ARFGEF1: variants seen among roughly 807,000 people sequenced by gnomAD.
ARFGEF1 encodes the protein ARF guanine nucleotide exchange factor 1.
A neutral mutation model predicts 231.0 loss-of-function variants in ARFGEF1; 42 were observed. That is an observed-to-expected ratio of 0.18 (90% CI 0.14 to 0.24). ARFGEF1 has a LOEUF of 0.24. Ranked by LOEUF, ARFGEF1 falls within the 10% of genes least tolerant of loss-of-function variation. The pLI, the probability that ARFGEF1 is intolerant of heterozygous loss-of-function variation, is 1.00. For missense variants in ARFGEF1, 1,345 were observed against 2,192.0 expected (o/e 0.61, Z 7.72); for synonymous variants, 710 against 732.3 (o/e 0.97, Z 0.49).
At chr8:67,236,365 A>AAAAATATAT (rs1554638966) in intron 22 of ARFGEF1, among the ~76,000 whole-genome samples, 1 of 29,064 alleles carries the variant, frequency 3.4e-5, no homozygotes, top group Non-Finnish European at 5.9e-5. Flanking sequence ...AAAAAAAAAA[A>AAAAATATAT]ATATATATAT....
Position 67,259,804 on chromosome 8 carries a change from G to T in ARFGEF1, c.2235+11C>A, listed in dbSNP as rs746044380. 2.6e-6 allele frequency: 4 copies of T among 1,524,018 alleles called. No individual in the cohort carries two copies. The highest frequency in any genetic ancestry group is 2.8e-5 in the African/African-American group (2 of 71,566). The allele number at this position is 1,524,018 out of a possible 1,614,324, so 94.4% of individuals were successfully genotyped here. ...TTACAGAAAAGGTTAGAATGAAAAT[G>T]GTATTCTTACAGAGTCTAATCTTTC... On this transcript the variant is annotated intron_variant, in intron 15 of 38. Coordinates refer to ENST00000262215, the MANE Select transcript of ARFGEF1 (RefSeq NM_006421.5).
chr8:67,223,294 C>CA (rs1839263876), intron 29 of ARFGEF1, among the ~76,000 whole-genome samples: 1 of 152,130 alleles, frequency 6.6e-6, no homozygotes, highest in Non-Finnish European at 1.5e-5. Context: ...ACCATAGCCC[C>CA]AACCTCCTGT....
At position 67,227,493 on chromosome 8, in the gene ARFGEF1, G is replaced by A. The variant is rs1308211020; in HGVS notation, c.3697C>T (p.Gln1233Ter). 1 of 1,613,024 alleles carries A rather than the reference G, an allele frequency of 6.2e-7. No homozygotes were observed. The highest frequency in any genetic ancestry group is 1.7e-5 in the Admixed American group (1 of 59,974). Residue 1233 changes from glutamine (Q) to a stop codon, truncating the protein, a stop_gained, in exon 26 of 39, where the codon CAG (glutamine) becomes TAG (stop). Transcript: ENST00000262215. LOFTEE classifies it high-confidence loss of function. Reference sequence around the variant, plus strand: ...TCAAAAGGTCTTAAGAAATCCTTCTGGAATCTGAAGTTAGCAAGCTCCCCT... The same window carrying A: ...TCAAAAGGTCTTAAGAAATCCTTCTAGAATCTGAAGTTAGCAAGCTCCCCT... ...EKGELANFRF[Q>*]KDFLRPFEHI...
intron 19 of ARFGEF1, among the ~76,000 whole-genome samples, chr8:67,241,549 C>T (rs1298553451): frequency 6.6e-6 from 1 of 152,008 alleles, no homozygotes; most frequent in East Asian, 1.9e-4. Context: ...AAATAATATC[C>T]AGGCAATAGT....
chr8:67,257,068 G>T (rs1452967652), intron 17 of ARFGEF1, among the ~76,000 whole-genome samples: 2 of 152,022 alleles, frequency 1.3e-5, no homozygotes, highest in Admixed American at 6.6e-5. Flanking sequence ...TCCCTCTACT[G>T]GTGAAGTTTG....
chr8:67,330,120 A>G (rs1475788806), intron 1 of ARFGEF1, among the ~76,000 whole-genome samples: 1 of 152,146 alleles, frequency 6.6e-6, no homozygotes, highest in African/African-American at 2.4e-5. Flanking sequence ...AAAGAACTAT[A>G]ATAGTGACAA....
At position 67,253,541 on chromosome 8, in the gene ARFGEF1, G is replaced by T. The variant is rs1311204931; in HGVS notation, c.2608C>A (p.Leu870Ile). 1.3e-6 allele frequency: 2 copies of T among 1,583,696 alleles called. No homozygotes were observed. The highest frequency in any genetic ancestry group is 1.7e-6 in the Non-Finnish European group (2 of 1,153,646). Residue 870 changes from leucine (L) to isoleucine (I), a missense_variant, in exon 18 of 39, where the codon CTA becomes ATA. Around this residue, in one of 14 missense-constraint regions of ARFGEF1, gnomAD observed 58 missense variants for 133.6 expected, o/e 0.43. Transcript: ENST00000262215. ...GCTATTTCATTATAGATGGCTGATA[G>T]ATACTCTTCAGGAAGGTCTTTACTG... is the stretch of plus-strand genomic sequence containing the variant. ...NDSKDLPEEY[L>I]SAIYNEIAGK...
In ARFGEF1 at chr8:67,219,213, C is replaced by T. The variant is rs190629635; in HGVS notation, c.4338+218G>A. ...AACCCCTGACCTGAGATGATCCACC[C>T]GCCTTGGCCTCCCAAAGTGCTGGGA... On this transcript the variant is annotated intron_variant, in intron 30 of 38. Transcript: ENST00000262215. Among the ~76,000 whole-genome samples the T allele has an allele frequency of 3.7e-3, 559 of 152,254 alleles. 2 individuals are homozygous for T. Among genetic ancestry groups the T allele is most frequent in the Non-Finnish European group, 4.5e-3 (304 of 67,986 alleles).
chr8:67,256,385 T>C (rs1474664164), intron 17 of ARFGEF1, among the ~76,000 whole-genome samples: 1 of 152,212 alleles, frequency 6.6e-6, no homozygotes, highest in Non-Finnish European at 1.5e-5. Context: ...ACTTCACATA[T>C]AATCATATGT....
chr8:67,293,264 G>A (rs1371401559), intron 5 of ARFGEF1, among the ~76,000 whole-genome samples: 1 of 152,034 alleles, frequency 6.6e-6, no homozygotes, highest in African/African-American at 2.4e-5. Context: ...AGTTGTTTAA[G>A]GGAAACTCTT....
intron 5 of ARFGEF1, 130 bp from the exon 6 acceptor site, chr8:67,292,253 A>T: frequency 2.7e-6 from 2 of 749,754 alleles, no homozygotes; most frequent in Non-Finnish European, 4.3e-6. Flanking sequence ...GTTTATCAGA[A>T]ATGGAGAACA....
chr8:67,286,386 A>T (rs1027745331), intron 7 of ARFGEF1, among the ~76,000 whole-genome samples: 1 of 152,188 alleles, frequency 6.6e-6, no homozygotes, highest in Non-Finnish European at 1.5e-5. Context: ...CTTTCACTTC[A>T]GACTCTGTAT....
At chr8:67,184,713 G>GA (rs1364154602) in intron 5 of ARFGEF1, among the ~76,000 whole-genome samples, 1 of 147,104 alleles carries the variant, frequency 6.8e-6, no homozygotes, top group African/African-American at 2.7e-5. Flanking sequence ...GACAGAGTGA[G>GA]ATTCTGTCTA....
chr8:67,256,478 A>G (rs969866473), intron 17 of ARFGEF1, among the ~76,000 whole-genome samples: 1 of 152,150 alleles, frequency 6.6e-6, no homozygotes, highest in African/African-American at 2.4e-5. Context: ...TAAACATCTC[A>G]AAACAGACAC....
chr8:67,240,358 T>C (rs1379131819), intron 19 of ARFGEF1, 68 bp from the exon 20 acceptor site: 2 of 1,381,048 alleles, frequency 1.4e-6, no homozygotes, highest in East Asian at 5.1e-5. Flanking sequence ...TCAAATCTTT[T>C]AGACAATACA....
At chr8:67,301,023 T>A (rs182938998) in intron 3 of ARFGEF1, among the ~76,000 whole-genome samples, 174 of 152,274 alleles carry the variant, frequency 1.1e-3, no homozygotes, top group African/African-American at 3.9e-3. Context: ...TCCCACTAAG[T>A]TAATGATTGT....
At chr8:67,190,672 T>G in intron 5 of ARFGEF1, 1 of 1,614,100 alleles carries the variant, frequency 6.2e-7, no homozygotes, top group Non-Finnish European at 8.5e-7. Context: ...AGACATATCC[T>G]GCCATTGAAG....
At chr8:67,310,017 C>T (rs1009287707) in intron 1 of ARFGEF1, among the ~76,000 whole-genome samples, 1 of 152,162 alleles carries the variant, frequency 6.6e-6, no homozygotes, top group Non-Finnish European at 1.5e-5. Flanking sequence ...TGGTATTATA[C>T]ACAAACCTAT....
At chr8:67,236,392 A>C (rs1471307865) in intron 22 of ARFGEF1, among the ~76,000 whole-genome samples, 1 of 107,538 alleles carries the variant, frequency 9.3e-6, no homozygotes, top group Non-Finnish European at 1.9e-5. Flanking sequence ...ATATATATAT[A>C]TATATATATA....
Sources: allele counts gnomAD v4.1 joint callset (sites outside exome capture counted in the v4.1 genomes callset), GRCh38; gene constraint gnomAD v4.1.1; regional missense constraint gnomAD v4.1.1; transcripts MANE v1.5; gene names NCBI Gene and HGNC (gene_info 2026-07-23, HGNC 2026-07-21).